Variants in PABPC4L observed in about 807,000 individuals in gnomAD.
PABPC4L encodes the protein polyadenylate-binding protein 4-like.
For synonymous variants in PABPC4L, 169 were observed against 164.1 expected, an observed-to-expected ratio of 1.03 and a Z score of -0.23; for missense variants, 452 against 451.4, an observed-to-expected ratio of 1.00 and a Z score of -0.01.
At chr4:134,185,264 T>A in the PABPC4L span, among the ~76,000 whole-genome samples, 16 of 152,042 alleles carry the variant, frequency 1.1e-4, no homozygotes, top group Non-Finnish European at 1.9e-4. Context: ...ATATCCCTGA[T>A]GAACATCAAT....
At chr4:134,110,267 C>T in the PABPC4L span, among the ~76,000 whole-genome samples, 1 of 151,792 alleles carries the variant, frequency 6.6e-6, no homozygotes, top group African/African-American at 2.4e-5. Flanking sequence ...GTTTGCTATA[C>T]AGGAAATGGT....
At chr4:133,981,345 A>C in the PABPC4L span, among the ~76,000 whole-genome samples, 1 of 152,132 alleles carries the variant, frequency 6.6e-6, no homozygotes, top group Non-Finnish European at 1.5e-5. Context: ...AAAAGAATAA[A>C]ATATACATTT....
the PABPC4L span, among the ~76,000 whole-genome samples, chr4:133,976,078 C>T: frequency 6.6e-6 from 1 of 152,066 alleles, no homozygotes; most frequent in Non-Finnish European, 1.5e-5. Context: ...GCCCAGCAAG[C>T]ATTAGCTATG....
At chr4:134,001,248 G>C in the PABPC4L span, among the ~76,000 whole-genome samples, 1 of 151,188 alleles carries the variant, frequency 6.6e-6, no homozygotes, top group African/African-American at 2.4e-5. Context: ...AGAAGAAACA[G>C]CATGACAGCA....
chr4:134,014,115 C>A, the PABPC4L span, among the ~76,000 whole-genome samples: 1 of 152,098 alleles, frequency 6.6e-6, no homozygotes, highest in Non-Finnish European at 1.5e-5. Context: ...AACCCTGAGA[C>A]ACTTTACAGC....
chr4:134,130,731 C>A, the PABPC4L span, among the ~76,000 whole-genome samples: 1 of 151,970 alleles, frequency 6.6e-6, no homozygotes, highest in Non-Finnish European at 1.5e-5. Context: ...AAACTATAGG[C>A]CAATATCCCT....
the PABPC4L span, among the ~76,000 whole-genome samples, chr4:134,153,642 C>G: frequency 6.9e-6 from 1 of 144,184 alleles, no homozygotes; most frequent in East Asian, 2.3e-4. Flanking sequence ...TTTATTCTTT[C>G]TTTCTTTATT....
the PABPC4L span, among the ~76,000 whole-genome samples, chr4:134,069,339 C>G: frequency 6.6e-6 from 1 of 152,030 alleles, no homozygotes; most frequent in Admixed American, 6.6e-5. Flanking sequence ...GAGGGGTTCT[C>G]TGCATTTTTT....
chr4:133,993,908 T>C, the PABPC4L span, among the ~76,000 whole-genome samples: 1 of 151,668 alleles, frequency 6.6e-6, no homozygotes, highest in Admixed American at 6.6e-5. Context: ...GGCTCAAGAG[T>C]AGACTTAATG....
the PABPC4L span, among the ~76,000 whole-genome samples, chr4:133,989,330 G>C: frequency 1.3e-5 from 2 of 152,054 alleles, no homozygotes; most frequent in African/African-American, 4.8e-5. Context: ...CATCTTGAAG[G>C]CTTTGCAACT....
At chr4:134,159,042 A>C in the PABPC4L span, among the ~76,000 whole-genome samples, 4 of 152,190 alleles carry the variant, frequency 2.6e-5, no homozygotes, top group African/African-American at 9.6e-5. Flanking sequence ...AGATAAAAAA[A>C]TGGAACACCT....
the PABPC4L span, among the ~76,000 whole-genome samples, chr4:134,047,501 G>A: frequency 2.0e-5 from 3 of 152,120 alleles, no homozygotes; most frequent in South Asian, 6.2e-4. Flanking sequence ...ATTATCTCTA[G>A]AAAATTACTA....
chr4:133,989,751 A>G, the PABPC4L span, among the ~76,000 whole-genome samples: 2 of 152,060 alleles, frequency 1.3e-5, no homozygotes, highest in South Asian at 2.1e-4. Context: ...CCCACTCATG[A>G]TACCAATTTT....
chr4:134,061,650 G>C, the PABPC4L span, among the ~76,000 whole-genome samples: 1 of 92,196 alleles, frequency 1.1e-5, no homozygotes, highest in African/African-American at 4.0e-5. Context: ...GAGAGAGAGA[G>C]AGAGAGAGAT....
upstream of PABPC4L, chr4:134,201,801 T>C (rs909375138): frequency 2.6e-5 from 4 of 152,318 alleles, no homozygotes; most frequent in Admixed American, 1.3e-4. Context: ...GGATGTTTTC[T>C]TTTTAATATT....
the PABPC4L span, among the ~76,000 whole-genome samples, chr4:134,098,358 A>G: frequency 1.3e-4 from 20 of 151,802 alleles, no homozygotes; most frequent in East Asian, 3.9e-4. Flanking sequence ...GTTGTTTGCT[A>G]GACATCATAC....
the PABPC4L span, among the ~76,000 whole-genome samples, chr4:134,014,951 T>C: frequency 6.6e-6 from 1 of 151,914 alleles, no homozygotes; most frequent in Middle Eastern, 3.4e-3. Context: ...AGACACTTTA[T>C]CTGCTTCCCT....
the PABPC4L span, among the ~76,000 whole-genome samples, chr4:134,138,813 A>G: frequency 2.6e-5 from 4 of 151,840 alleles, no homozygotes; most frequent in Non-Finnish European, 5.9e-5. Flanking sequence ...ACTCTTTTTC[A>G]AGGAAGATAT....
chr4:133,990,301 T>G, the PABPC4L span, among the ~76,000 whole-genome samples: 1 of 152,220 alleles, frequency 6.6e-6, no homozygotes, highest in Admixed American at 6.5e-5. Context: ...TTTCAAAATT[T>G]TTCATTATTA....
Sources: gnomAD v4.1 joint callset for allele counts (sites outside exome capture counted in the v4.1 genomes callset) on GRCh38, gnomAD v4.1.1 for gene constraint, MANE v1.5 for transcripts, NCBI Gene and HGNC (gene_info 2026-07-23, HGNC 2026-07-21) for gene names.